DIP2C: variants seen among roughly 807,000 people sequenced by gnomAD.
DIP2C encodes the protein disco-interacting protein 2 homolog C.
DIP2C carries 33 observed loss-of-function variants against 192.4 expected under a neutral mutation model. That is an observed-to-expected ratio of 0.17 (90% confidence interval 0.13 to 0.23). The LOEUF (loss-of-function observed/expected upper bound fraction) is 0.23, where lower values mean the gene tolerates loss of function less well. Ranked by LOEUF, DIP2C falls within the 10% of genes least tolerant of loss-of-function variation. The pLI is 1.00. For synonymous variants in DIP2C, 979 were observed against 864.1 expected, an observed-to-expected ratio of 1.13 and a Z score of -2.33; for missense variants, 1,537 against 2,110.1, an observed-to-expected ratio of 0.73 and a Z score of 5.32.
chr10:541,092 ATGCTGGGGAGCCACAACACCCG>A, intron 1 of DIP2C, among the ~76,000 whole-genome samples: 1 of 124,396 alleles, frequency 8.0e-6, no homozygotes, highest in East Asian at 2.4e-4. Context: ...ACAACACCCG[ATGCTGGGGAGCCACAACACCCG>A]ATGCTGGGGA....
At chr10:440,254 G>T (rs759656631) in intron 4 of DIP2C, among the ~76,000 whole-genome samples, 19 of 152,202 alleles carry the variant, frequency 1.2e-4, no homozygotes, top group Non-Finnish European at 2.5e-4. Flanking sequence ...TGGCACATCT[G>T]TGCACCAAAT....
At chr10:301,727 G>A (rs1014294847) in intron 32 of DIP2C, among the ~76,000 whole-genome samples, 2 of 152,182 alleles carry the variant, frequency 1.3e-5, no homozygotes, top group Non-Finnish European at 2.9e-5. Flanking sequence ...CCCGCCTCTG[G>A]TAACCGCGTC....
chr10:419,021 A>G (rs1409446105), intron 6 of DIP2C, 44 bp downstream of exon 6: 1 of 1,613,412 alleles, frequency 6.2e-7, no homozygotes, highest in African/African-American at 1.3e-5. Context: ...ACGTCAGCAC[A>G]AACCGTTTAC....
intron 2 of DIP2C, among the ~76,000 whole-genome samples, chr10:474,495 T>C (rs978897249): frequency 1.1e-4 from 17 of 152,192 alleles, no homozygotes; most frequent in Non-Finnish European, 1.9e-4. Flanking sequence ...CTGGAAGTCC[T>C]CTTGGAGCCC....
At chr10:548,214 C>A (rs998725314) in intron 1 of DIP2C, among the ~76,000 whole-genome samples, 4 of 122,968 alleles carry the variant, frequency 3.3e-5, no homozygotes, top group African/African-American at 1.2e-4. Context: ...CCCCACCCCC[C>A]CCCCCACAGG....
chr10:579,106 TGTAG>T (rs1204060453), intron 1 of DIP2C, among the ~76,000 whole-genome samples: 42 of 152,204 alleles, frequency 2.8e-4, no homozygotes, highest in Non-Finnish European at 4.0e-4. Context: ...ATCCATGTAG[TGTAG>T]GTACATAGGT....
At chr10:632,586 G>A (rs1854586378) in intron 1 of DIP2C, among the ~76,000 whole-genome samples, 1 of 91,394 alleles carries the variant, frequency 1.1e-5, no homozygotes, top group African/African-American at 4.9e-5. Flanking sequence ...ACCGTAACTG[G>A]AGACCACGCG....
At chr10:595,714 G>C (rs1282018466) in intron 1 of DIP2C, among the ~76,000 whole-genome samples, 1 of 152,200 alleles carries the variant, frequency 6.6e-6, no homozygotes, top group Admixed American at 6.5e-5. Flanking sequence ...CCACCCTGTG[G>C]AGCTGCATGT....
intron 1 of DIP2C, among the ~76,000 whole-genome samples, chr10:527,001 G>A (rs751856561): frequency 1.3e-5 from 2 of 152,140 alleles, no homozygotes; most frequent in African/African-American, 2.4e-5. Flanking sequence ...AGGTGGAGGC[G>A]GACAGGGTAA....
intron 1 of DIP2C, among the ~76,000 whole-genome samples, chr10:611,686 G>GA (rs1414852734): frequency 6.6e-6 from 1 of 152,048 alleles, no homozygotes; most frequent in Non-Finnish European, 1.5e-5. Context: ...CCCACTCACT[G>GA]AAAAATCATC....
At chr10:518,277 A>T (rs1445731018) in intron 1 of DIP2C, among the ~76,000 whole-genome samples, 1 of 152,202 alleles carries the variant, frequency 6.6e-6, no homozygotes, top group African/African-American at 2.4e-5. Context: ...CTCCTTCGTG[A>T]AAAGCGGCGT....
At chr10:596,781 G>T (rs1054432812) in intron 1 of DIP2C, among the ~76,000 whole-genome samples, 2 of 152,194 alleles carry the variant, frequency 1.3e-5, no homozygotes, top group African/African-American at 4.8e-5. Flanking sequence ...GCCATTGGTG[G>T]CATCACCTGT....
At chr10:662,159 C>G in intron 1 of DIP2C, 1 of 716,416 alleles carries the variant, frequency 1.4e-6, no homozygotes, top group South Asian at 1.5e-5. Flanking sequence ...AACTTTCTGC[C>G]CTCAGATAGG....
intron 1 of DIP2C, among the ~76,000 whole-genome samples, chr10:600,836 G>A (rs748845142): frequency 2.0e-5 from 3 of 152,352 alleles, no homozygotes; most frequent in East Asian, 3.9e-4. Context: ...TCAACCATAA[G>A]AGAATCAGGT....
chr10:316,529 G>T (rs1345602172), intron 31 of DIP2C, among the ~76,000 whole-genome samples: 1 of 152,234 alleles, frequency 6.6e-6, no homozygotes, highest in South Asian at 2.1e-4. Flanking sequence ...TGAAGGGCAA[G>T]GGCGCTGCAG....
intron 6 of DIP2C, 76 bp from the exon 7 acceptor site, chr10:415,964 C>CA (rs1265110777): frequency 6.3e-7 from 1 of 1,594,746 alleles, no homozygotes; most frequent in East Asian, 2.3e-5. Flanking sequence ...CACAGTCCCA[C>CA]AGCCCCCTCC....
At chr10:448,148 GGCA>G (rs1047493176) in intron 3 of DIP2C, among the ~76,000 whole-genome samples, 3 of 127,124 alleles carry the variant, frequency 2.4e-5, no homozygotes, top group Admixed American at 2.2e-4. Context: ...CACACAGTGG[GGCA>G]GCAGGACCCG....
At chr10:582,424 G>C (rs1287822955) in intron 1 of DIP2C, among the ~76,000 whole-genome samples, 1 of 152,164 alleles carries the variant, frequency 6.6e-6, no homozygotes. Flanking sequence ...CTGCAACAAA[G>C]AAAAGAAAGT....
intron 1 of DIP2C, among the ~76,000 whole-genome samples, chr10:508,898 G>A (rs1002126463): frequency 3.3e-5 from 5 of 152,198 alleles, no homozygotes; most frequent in Admixed American, 6.5e-5. Flanking sequence ...GTGCTGGAAG[G>A]CGGCCACTCT....
Sources: allele counts gnomAD v4.1 joint callset (sites outside exome capture counted in the v4.1 genomes callset), GRCh38; gene constraint gnomAD v4.1.1; transcripts MANE v1.5; gene names NCBI Gene and HGNC (gene_info 2026-07-23, HGNC 2026-07-21).